Variants in SAMTOR observed in about 807,000 individuals in gnomAD.
SAMTOR encodes S-adenosylmethionine sensor upstream of mTORC1.
chr7:112,927,405 A>G, the SAMTOR span, among the ~76,000 whole-genome samples: 2 of 152,106 alleles, frequency 1.3e-5, no homozygotes, highest in Non-Finnish European at 2.9e-5. Context: ...TCAACACAGT[A>G]TAAGAAACAT....
At chr7:112,823,397 C>T in the SAMTOR span, among the ~76,000 whole-genome samples, 25 of 152,288 alleles carry the variant, frequency 1.6e-4, no homozygotes, top group Non-Finnish European at 3.5e-4. Context: ...ATAGTCCCTT[C>T]CTTCTCTTCC....
chr7:112,903,704 AG>A, the SAMTOR span, among the ~76,000 whole-genome samples: 7 of 152,342 alleles, frequency 4.6e-5, no homozygotes, highest in East Asian at 1.4e-3. Context: ...AAGAGGAACA[AG>A]ATACAAAAGT....
At chr7:112,856,214 TA>T in the SAMTOR span, among the ~76,000 whole-genome samples, 2 of 151,524 alleles carry the variant, frequency 1.3e-5, no homozygotes, top group Non-Finnish European at 2.9e-5. Flanking sequence ...ATAGACTTTT[TA>T]AAAAAGAAAA....
chr7:112,878,608 A>G, the SAMTOR span, among the ~76,000 whole-genome samples: 1 of 152,192 alleles, frequency 6.6e-6, no homozygotes, highest in Non-Finnish European at 1.5e-5. Flanking sequence ...TGAAGGGAAT[A>G]AGTAATGGGT....
At chr7:112,903,572 C>A in the SAMTOR span, among the ~76,000 whole-genome samples, 1 of 152,024 alleles carries the variant, frequency 6.6e-6, no homozygotes, top group Admixed American at 6.5e-5. Context: ...ATTATGATTA[C>A]GTAGAAGAAT....
At chr7:112,872,431 A>C in the SAMTOR span, among the ~76,000 whole-genome samples, 29 of 152,310 alleles carry the variant, frequency 1.9e-4, no homozygotes, top group Non-Finnish European at 3.5e-4. Flanking sequence ...CTTCATGATA[A>C]AAATCCTCAA....
At chr7:112,922,100 C>T in the SAMTOR span, among the ~76,000 whole-genome samples, 24 of 152,132 alleles carry the variant, frequency 1.6e-4, no homozygotes, top group Admixed American at 5.9e-4. Flanking sequence ...CGATTACAGG[C>T]GCGCGCCGCC....
chr7:112,856,199 G>A, the SAMTOR span, among the ~76,000 whole-genome samples: 2 of 151,154 alleles, frequency 1.3e-5, no homozygotes, highest in South Asian at 2.1e-4. Context: ...ATTAATACCC[G>A]AATTATAGAC....
chr7:112,821,232 AAAG>A, the SAMTOR span: 2 of 152,560 alleles, frequency 1.3e-5, no homozygotes. Context: ...ATCAGACAAA[AAAG>A]GAACATAAAA....
the SAMTOR span, among the ~76,000 whole-genome samples, chr7:112,926,804 T>C: frequency 6.6e-6 from 1 of 152,166 alleles, no homozygotes; most frequent in Non-Finnish European, 1.5e-5. Flanking sequence ...AAAAGAGATA[T>C]GAACCTGACG....
chr7:112,878,020 T>C, the SAMTOR span, among the ~76,000 whole-genome samples: 7 of 152,200 alleles, frequency 4.6e-5, no homozygotes, highest in African/African-American at 1.7e-4. Flanking sequence ...TAGATAGCAA[T>C]GTGAGAACAG....
chr7:112,921,953 C>A, the SAMTOR span, among the ~76,000 whole-genome samples: 252 of 151,136 alleles, frequency 1.7e-3, 2 homozygotes, highest in Middle Eastern at 6.9e-3. Flanking sequence ...CCCCCTCTCC[C>A]TCTCCCTCTC....
chr7:112,931,763 G>A, the SAMTOR span, among the ~76,000 whole-genome samples: 1 of 152,040 alleles, frequency 6.6e-6, no homozygotes, highest in Non-Finnish European at 1.5e-5. Context: ...GGGTATTAGT[G>A]TATCTACACT....
chr7:112,902,948 CTT>C, the SAMTOR span, among the ~76,000 whole-genome samples: 9 of 152,318 alleles, frequency 5.9e-5, no homozygotes, highest in South Asian at 1.9e-3. Flanking sequence ...ATACACTTAA[CTT>C]ATATCTAATC....
At chr7:112,863,905 A>T in the SAMTOR span, among the ~76,000 whole-genome samples, 1 of 152,244 alleles carries the variant, frequency 6.6e-6, no homozygotes, top group Non-Finnish European at 1.5e-5. Context: ...CTGGGCATAT[A>T]CCCAAAGAAA....
the SAMTOR span, among the ~76,000 whole-genome samples, chr7:112,919,202 A>C: frequency 1.3e-5 from 2 of 152,180 alleles, no homozygotes; most frequent in African/African-American, 4.8e-5. Context: ...TTGGAAGTAA[A>C]GCTCTCCTCA....
chr7:112,837,679 A>G, the SAMTOR span, among the ~76,000 whole-genome samples: 5 of 151,888 alleles, frequency 3.3e-5, no homozygotes, highest in Admixed American at 6.6e-5. Flanking sequence ...TTTGTTTTAT[A>G]TGTCTGTGTG....
the SAMTOR span, chr7:112,939,537 G>T: frequency 6.2e-7 from 1 of 1,612,178 alleles, no homozygotes; most frequent in Non-Finnish European, 8.5e-7. Flanking sequence ...GAGGTGACAA[G>T]CGGTTGGGGG....
At chr7:112,893,238 CCTT>C in the SAMTOR span, among the ~76,000 whole-genome samples, 1 of 152,186 alleles carries the variant, frequency 6.6e-6, no homozygotes, top group Non-Finnish European at 1.5e-5. Flanking sequence ...CTAAAAGGCG[CCTT>C]CTTCTTCCAA....
Sources: allele counts gnomAD v4.1 joint callset (sites outside exome capture counted in the v4.1 genomes callset), GRCh38; gene constraint gnomAD v4.1.1; transcripts MANE v1.5; gene names NCBI Gene and HGNC (gene_info 2026-07-23, HGNC 2026-07-21).